Variants in NAP1L4 observed in about 807,000 individuals in gnomAD.
NAP1L4 encodes the protein nucleosome assembly protein 1 like 4.
NAP1L4 carries 15 observed loss-of-function variants against 58.2 expected under a neutral mutation model. The ratio of observed to expected loss-of-function variants is 0.26; its 90% confidence interval spans 0.17 to 0.40. The LOEUF is 0.40. Among genes scored for constraint, NAP1L4 ranks in the 10% least tolerant of loss-of-function variants. NAP1L4 has a pLI of 1.00. For synonymous variants in NAP1L4, 171 were observed against 155.6 expected, an observed-to-expected ratio of 1.10 and a Z score of -0.74; for missense variants, 384 against 451.1, an observed-to-expected ratio of 0.85 and a Z score of 1.35.
intron 1 of NAP1L4, 92 bp from the exon 2 acceptor site, chr11:2,979,329 G>T: frequency 9.2e-7 from 1 of 1,089,564 alleles, no homozygotes; most frequent in Non-Finnish European, 1.4e-6. Flanking sequence ...GTGGGATGGA[G>T]TCCACTAGAA....
At chr11:2,972,046 C>T in intron 5 of NAP1L4, 56 bp downstream of exon 5, 4 of 1,461,128 alleles carry the variant, frequency 2.7e-6, no homozygotes, top group Non-Finnish European at 3.6e-6. Context: ...TTATCGGAAC[C>T]TAACACCTTC....
At chr11:2,960,481 C>G (rs1038374947) in intron 8 of NAP1L4, among the ~76,000 whole-genome samples, 1 of 152,114 alleles carries the variant, frequency 6.6e-6, no homozygotes, top group Non-Finnish European at 1.5e-5. Flanking sequence ...CGTGAGCACA[C>G]CGGGAAAAAG....
chr11:2,951,338 A>G lies in NAP1L4; in HGVS notation c.1066-23T>C, dbSNP rs762511267. ...TTCCTGTATTTAAAAAGTGAGAATT[A>G]GCTGGAATGACAAGATTTAAACTCT... On this transcript the variant is annotated intron_variant, in intron 13 of 15. Coordinates refer to ENST00000380542, the MANE Select transcript of NAP1L4 (RefSeq NM_005969.4). The surrounding 1 kb of genome is among the most constrained non-coding windows in gnomAD (Gnocchi z 4.0). 1 of 1,604,924 alleles carries G rather than the reference A, an allele frequency of 6.2e-7. No individual in the cohort carries two copies.
chr11:2,975,695 G>A (rs1409036661), intron 4 of NAP1L4, among the ~76,000 whole-genome samples: 2 of 151,858 alleles, frequency 1.3e-5, no homozygotes, highest in Non-Finnish European at 2.9e-5. Context: ...GGTAAGTCAG[G>A]AAGGAGTGGT....
In NAP1L4 at chr11:2,967,415, A is replaced by G. The variant is rs192814525; in HGVS notation, c.534+2388T>C. 5.8e-4 allele frequency among the ~76,000 whole-genome samples: 89 copies of G among 152,292 alleles called. 1 individual carries two copies. The East Asian group carries it at 0.016, about 27-fold the overall frequency. ...ATGATGAGGTCAGCAGATCGAGACC[A>G]TCCTGGCTAACACAGTGAAACCCCG... On this transcript the variant is annotated intron_variant, in intron 7 of 15. Transcript: ENST00000380542.
intron 2 of NAP1L4, 107 bp downstream of exon 2, chr11:2,979,100 G>T (rs11826983): frequency 0.22 from 256,333 of 1,165,678 alleles, 31,000 homozygotes; most frequent in African/African-American, 0.41. Flanking sequence ...TCAGCTAGAC[G>T]CTGAAATGCA....
chr11:2,958,424 A>G lies in NAP1L4; in HGVS notation c.867T>C (p.Phe289=). The G allele has an allele frequency of 6.2e-7, 1 of 1,614,138 alleles. No homozygotes were observed. The highest frequency in any genetic ancestry group is 1.1e-5 in the South Asian group (1 of 91,046). ...TITKQVPNES[F]FNFFNPLKAS... ...CTTTCAATGGATTGAAGAAGTTGAA[A>G]AAGGACTCATTGGGTACTTGTTTCG... Residue 289 remains phenylalanine (F), a synonymous_variant, in exon 10 of 16, where the codon TTT becomes TTC. Coordinates refer to ENST00000380542, the MANE Select transcript of NAP1L4 (RefSeq NM_005969.4).
Position 2,958,429 on chromosome 11 carries a change from A to G in NAP1L4, c.862T>C (p.Ser288Pro). The change falls in exon 10 of 16, where the codon TCC (serine) becomes CCC (proline). Residue 288 changes from serine (S) to proline (P), a missense_variant. Ser to Pro is a moderately conservative substitution (Grantham distance 74, BLOSUM62 -1). This residue lies in a region of NAP1L4 where 296 missense variants were observed against 360.8 expected (regional missense o/e 0.82). Coordinates refer to ENST00000380542, the MANE Select transcript of NAP1L4 (RefSeq NM_005969.4). ...AATGGATTGAAGAAGTTGAAAAAGG[A>G]CTCATTGGGTACTTGTTTCGTAATT... ...RTITKQVPNE[S>P]FFNFFNPLKA... 1 of 1,614,110 alleles carries G rather than the reference A, an allele frequency of 6.2e-7. No homozygotes were observed. The highest frequency in any genetic ancestry group is 8.5e-7 in the Non-Finnish European group (1 of 1,179,994).
rs1846677024 is a variant in NAP1L4 at position 2,958,412 on chromosome 11, GAAGA to G, written c.875_878del (p.Phe292SerfsTer4). The G allele has an allele frequency of 6.2e-7, 1 of 1,613,792 alleles. No homozygotes were observed. ...CAACAGACTTGCCTTTCAATGGATT[GAAGA>G]AGTTGAAAAAGGACTCATTGGGTAC... On this transcript the variant is annotated frameshift_variant, in exon 10 of 16. Transcript: ENST00000380542. LOFTEE classifies it high-confidence loss of function.
In NAP1L4 at chr11:2,955,607, C is replaced by T. The variant is rs1649522983; in HGVS notation, c.915+137G>A. On this transcript the variant is annotated intron_variant, in intron 11 of 15. Coordinates refer to ENST00000380542, the MANE Select transcript of NAP1L4 (RefSeq NM_005969.4). This position sits in a 1 kb window ranked among gnomAD's most constrained non-coding sequence, Gnocchi z 4.2. ...ACTCGTGCAGTCCTCCCACCTCAGC[C>T]TCCCAAAGCATTAAGATCACTGGCA... The T allele has an allele frequency of 3.7e-6, 3 of 812,350 alleles. No homozygotes were observed. The highest frequency in any genetic ancestry group is 5.9e-6 in the Non-Finnish European group (3 of 505,532). The allele number at this position is 812,350 out of a possible 1,614,324, so 50.3% of individuals were successfully genotyped here. A position where few individuals can be genotyped will look rare whatever the true frequency, so the allele number is the denominator to read the frequency against.
chr11:2,969,347 T>C (rs1310900088), intron 7 of NAP1L4, among the ~76,000 whole-genome samples: 1 of 150,960 alleles, frequency 6.6e-6, no homozygotes. Context: ...TGTTCAAAAA[T>C]TCACTGAGAT....
In NAP1L4 at chr11:2,951,250, G is replaced by C; in HGVS notation, c.1122+9C>G. The C allele has an allele frequency of 6.2e-7, 1 of 1,613,386 alleles. No individual in the cohort carries two copies. The highest frequency in any genetic ancestry group is 1.1e-5 in the South Asian group (1 of 91,018). The stretch of plus-strand genomic sequence containing the variant: ...ATAAGTAGGTCTGGGTGGCCCCAAA[G>C]TTACCAACCTTGGGGTTAATTTCCG... On this transcript the variant is annotated intron_variant, in intron 14 of 15. Transcript: ENST00000380542. This position sits in a 1 kb window ranked among gnomAD's most constrained non-coding sequence, Gnocchi z 4.0.
At chr11:2,982,879 G>A (rs1848409419) in intron 1 of NAP1L4, among the ~76,000 whole-genome samples, 1 of 152,108 alleles carries the variant, frequency 6.6e-6, no homozygotes. Flanking sequence ...AAATTAGCTG[G>A]GCATGGTGGC....
In NAP1L4 at chr11:2,964,990, C is replaced by T. The variant is rs148332036; in HGVS notation, c.535-239G>A. Among the ~76,000 whole-genome samples the T allele has an allele frequency of 3.3e-5, 5 of 151,266 alleles. No individual in the cohort carries two copies. In the East Asian group the frequency reaches 9.8e-4, roughly 30 times the overall value. ...TGTGGAGCAACGGTGGCTGCCACTG[C>T]CAGCAAAGGGCAGTGCCACTGACAC... On this transcript the variant is annotated intron_variant, in intron 7 of 15. Coordinates refer to ENST00000380542, the MANE Select transcript of NAP1L4 (RefSeq NM_005969.4).
chr11:2,971,294 T>C lies in NAP1L4; in HGVS notation c.402+154A>G, dbSNP rs1847623345. ...TGACAGTACTGTGTCAGATGCTAGA[T>C]CCATATCAGAAAGGAATCTAAACCC... On this transcript the variant is annotated intron_variant, in intron 6 of 15. Coordinates refer to ENST00000380542, the MANE Select transcript of NAP1L4 (RefSeq NM_005969.4). This position sits in a 1 kb window ranked among gnomAD's most constrained non-coding sequence, Gnocchi z 4.2. 6.6e-6 allele frequency among the ~76,000 whole-genome samples: 1 copy of C among 152,208 alleles called. No individual in the cohort carries two copies. The highest frequency in any genetic ancestry group is 2.1e-4 in the South Asian group (1 of 4,832).
In NAP1L4 at chr11:2,979,858, T is replaced by C. The variant is rs187655315; in HGVS notation, c.-17-621A>G. 2.9e-4 allele frequency among the ~76,000 whole-genome samples: 44 copies of C among 152,334 alleles called. No homozygotes were observed. In the South Asian group the frequency reaches 4.1e-3, roughly 14 times the overall value. ...ATAACATTAATTCTAATTTGCCTTA[T>C]TTTTTATAATACATTCGGCAACACA... On this transcript the variant is annotated intron_variant, in intron 1 of 15. Transcript: ENST00000380542.
Position 2,979,458 on chromosome 11 carries a change from C to G in NAP1L4, c.-17-221G>C, listed in dbSNP as rs1848170518. ...TACACTTCAGATCTGTGCATTTCAT[C>G]ACACACAAACTTTACTCATAAAAAA... On this transcript the variant is annotated intron_variant, in intron 1 of 15. Coordinates refer to ENST00000380542, the MANE Select transcript of NAP1L4 (RefSeq NM_005969.4). Among the ~76,000 whole-genome samples, 2 of 152,108 alleles carry G rather than the reference C, an allele frequency of 1.3e-5. 1 individual carries two copies. Among genetic ancestry groups the G allele is most frequent in the South Asian group, 4.1e-4 (2 of 4,830 alleles).
At chr11:2,968,073 A>G (rs1249285737) in intron 7 of NAP1L4, among the ~76,000 whole-genome samples, 1 of 151,804 alleles carries the variant, frequency 6.6e-6, no homozygotes, top group African/African-American at 2.4e-5. Flanking sequence ...TGCAAGAATC[A>G]CCCCAGGGCC....
rs536317765 is a variant in NAP1L4, at chr11:2,974,330, C to T, written c.173+1694G>A. 4.6e-5 allele frequency among the ~76,000 whole-genome samples: 7 copies of T among 152,222 alleles called. No individual in the cohort carries two copies. The South Asian group carries it at 1.2e-3, about 27-fold the overall frequency. ...ACACCAACTACACCCAGCCCTCTGCCGGCACTTTTCCTGCAATATGGCTAA... is the reference window on the plus strand; with the variant it reads ...ACACCAACTACACCCAGCCCTCTGCTGGCACTTTTCCTGCAATATGGCTAA... On this transcript the variant is annotated intron_variant, in intron 4 of 15. Coordinates refer to ENST00000380542, the MANE Select transcript of NAP1L4 (RefSeq NM_005969.4).
Sources: gnomAD v4.1 joint callset for allele counts (sites outside exome capture counted in the v4.1 genomes callset) on GRCh38, gnomAD v4.1.1 for gene constraint, gnomAD v4.1.1 regional missense constraint, Gnocchi (gnomAD v3.1) non-coding constraint, MANE v1.5 for transcripts, NCBI Gene and HGNC (gene_info 2026-07-23, HGNC 2026-07-21) for gene names.